Variants in MBD5 observed in about 807,000 individuals in gnomAD.
MBD5 encodes the protein methyl-CpG binding domain protein 5, also known as methyl-CpG-binding domain protein 5.
MBD5 carries 13 observed loss-of-function variants against 117.3 expected under a neutral mutation model. That is an observed-to-expected ratio of 0.11 (90% CI 0.07 to 0.18). The LOEUF is 0.18. MBD5 is among the 10% of genes least tolerant of loss of function. The pLI, the probability that MBD5 is intolerant of heterozygous loss-of-function variation, is 1.00. For missense variants in MBD5, 1,879 were observed against 2,093.8 expected (o/e 0.90, Z 2.00); for synonymous variants, 727 against 766.4 (o/e 0.95, Z 0.85).
At chr2:148,087,915 A>G (rs1288177625) in intron 1 of MBD5, among the ~76,000 whole-genome samples, 1 of 152,186 alleles carries the variant, frequency 6.6e-6, no homozygotes, top group East Asian at 1.9e-4. Flanking sequence ...CTATTAAGCT[A>G]TTCAAAGAGA....
At chr2:148,446,070 C>G (rs560914878) in intron 4 of MBD5, among the ~76,000 whole-genome samples, 5 of 150,746 alleles carry the variant, frequency 3.3e-5, no homozygotes, top group African/African-American at 1.2e-4. Flanking sequence ...AATTTTCTCC[C>G]ATTCTGTAGG....
chr2:148,393,736 T>C (rs1574375007), intron 4 of MBD5, among the ~76,000 whole-genome samples: 1 of 152,188 alleles, frequency 6.6e-6, no homozygotes, highest in African/African-American at 2.4e-5. Context: ...TTTGAGTTTC[T>C]AGTTTACCAA....
At chr2:148,229,773 A>T (rs894876062) in intron 2 of MBD5, among the ~76,000 whole-genome samples, 1 of 152,174 alleles carries the variant, frequency 6.6e-6, no homozygotes, top group Non-Finnish European at 1.5e-5. Flanking sequence ...TACTGCCTTG[A>T]TGGTCCTGGA....
intron 2 of MBD5, among the ~76,000 whole-genome samples, chr2:148,180,621 C>T (rs1010887457): frequency 3.3e-5 from 5 of 151,924 alleles, no homozygotes; most frequent in African/African-American, 1.2e-4. Context: ...GCATCAACCT[C>T]CTAGGCTCAA....
intron 3 of MBD5, among the ~76,000 whole-genome samples, chr2:148,335,141 C>T (rs577457364): frequency 1.1e-4 from 16 of 152,248 alleles, no homozygotes; most frequent in African/African-American, 3.9e-4. Context: ...GTAATCCTAG[C>T]ACTTTGATAG....
chr2:148,072,838 T>C (rs753512551), intron 1 of MBD5, among the ~76,000 whole-genome samples: 21 of 152,226 alleles, frequency 1.4e-4, no homozygotes, highest in Non-Finnish European at 3.1e-4. Flanking sequence ...CAGTGGTAAA[T>C]GTTTATGAAT....
At chr2:148,298,693 T>A (rs1701712274) in intron 3 of MBD5, among the ~76,000 whole-genome samples, 1 of 152,226 alleles carries the variant, frequency 6.6e-6, no homozygotes, top group Non-Finnish European at 1.5e-5. Context: ...CTGTATGATT[T>A]ATAATTTATC....
intron 3 of MBD5, among the ~76,000 whole-genome samples, chr2:148,305,945 T>A (rs959172078): frequency 2.0e-5 from 3 of 152,206 alleles, no homozygotes; most frequent in East Asian, 3.8e-4. Context: ...ATCTCCCCCC[T>A]TTTTAATTTT....
chr2:148,274,079 T>A (rs1701045454), intron 3 of MBD5, among the ~76,000 whole-genome samples: 1 of 152,204 alleles, frequency 6.6e-6, no homozygotes, highest in African/African-American at 2.4e-5. Flanking sequence ...GGAAGTTTTT[T>A]ATCATATTCT....
At chr2:148,204,309 T>C (rs1357610088) in intron 2 of MBD5, among the ~76,000 whole-genome samples, 3 of 151,290 alleles carry the variant, frequency 2.0e-5, no homozygotes, top group African/African-American at 7.3e-5. Context: ...ATGTGAAGAA[T>C]GAATAAAATA....
intron 3 of MBD5, among the ~76,000 whole-genome samples, chr2:148,280,721 T>A (rs1378339652): frequency 6.6e-6 from 1 of 152,200 alleles, no homozygotes; most frequent in African/African-American, 2.4e-5. Context: ...TGAGCCACCA[T>A]GCCTGGCCTA....
chr2:148,484,294 C>T (rs1187440748), intron 9 of MBD5, among the ~76,000 whole-genome samples, 159 bp downstream of exon 9: 1 of 152,150 alleles, frequency 6.6e-6, no homozygotes, highest in African/African-American at 2.4e-5. Flanking sequence ...CCACACACAA[C>T]CATAGTTATA....
At chr2:148,208,496 A>T (rs1440632123) in intron 2 of MBD5, among the ~76,000 whole-genome samples, 1 of 152,130 alleles carries the variant, frequency 6.6e-6, no homozygotes, top group African/African-American at 2.4e-5. Context: ...ACCTCAAGTG[A>T]TCTGCCTGCC....
intron 4 of MBD5, among the ~76,000 whole-genome samples, chr2:148,345,691 ATATATGTAT>A (rs899212006): frequency 6.7e-6 from 1 of 148,650 alleles, no homozygotes; most frequent in African/African-American, 2.5e-5. Flanking sequence ...ATGTGTGTGT[ATATATGTAT>A]TATATATATT....
intron 1 of MBD5, among the ~76,000 whole-genome samples, chr2:148,152,777 T>G (rs1232640503): frequency 6.1e-4 from 93 of 151,424 alleles, no homozygotes; most frequent in Non-Finnish European, 9.3e-4. Context: ...CCTTTTTTTG[T>G]TTTCCATTTG....
intron 1 of MBD5, among the ~76,000 whole-genome samples, chr2:148,052,699 A>T (rs896877459): frequency 2.6e-5 from 4 of 152,156 alleles, no homozygotes; most frequent in African/African-American, 9.7e-5. Context: ...CCACATATTC[A>T]TGAATTTTCC....
chr2:148,149,487 T>C (rs1189710464), intron 1 of MBD5, among the ~76,000 whole-genome samples: 2 of 149,006 alleles, frequency 1.3e-5, no homozygotes, highest in African/African-American at 5.0e-5. Flanking sequence ...ATGGTATTTC[T>C]AGTTCTAGAT....
chr2:148,504,089 T>C (rs886649760), intron 12 of MBD5, among the ~76,000 whole-genome samples: 1 of 152,214 alleles, frequency 6.6e-6, no homozygotes, highest in African/African-American at 2.4e-5. Flanking sequence ...TGAAAGGTAA[T>C]GAAAAACAAA....
intron 3 of MBD5, among the ~76,000 whole-genome samples, chr2:148,235,477 A>G (rs1408650098): frequency 6.6e-6 from 1 of 152,186 alleles, no homozygotes; most frequent in African/African-American, 2.4e-5. Flanking sequence ...TAAGCCACAG[A>G]TATTTATAAT....
Sources: gnomAD v4.1 joint callset for allele counts (sites outside exome capture counted in the v4.1 genomes callset) on GRCh38, gnomAD v4.1.1 for gene constraint, MANE v1.5 for transcripts, NCBI Gene and HGNC (gene_info 2026-07-23, HGNC 2026-07-21) for gene names.